The following CMIP variants were observed in gnomAD, a reference collection of about 807,000 sequenced individuals.
CMIP encodes the protein C-Maf-inducing protein.
In CMIP, 13 loss-of-function variants were observed where a neutral mutation model predicts 97.3. The observed-to-expected ratio is 0.13, with a 90% CI of 0.09 to 0.21. The LOEUF (loss-of-function observed/expected upper bound fraction) is 0.21, where lower values mean the gene tolerates loss of function less well. CMIP is among the 10% of genes least tolerant of loss of function. The pLI, the probability that CMIP is intolerant of heterozygous loss-of-function variation, is 1.00. For missense variants in CMIP, 847 were observed against 1,024.9 expected (o/e 0.83, Z 2.37); for synonymous variants, 538 against 436.3 (o/e 1.23, Z -2.91).
In CMIP at chr16:81,709,787, C is replaced by G; in HGVS notation, c.2310C>G (p.Thr770=). The G allele has an allele frequency of 1.9e-6, 3 of 1,613,926 alleles. No homozygotes were observed. The highest frequency in any genetic ancestry group is 1.7e-6 in the Non-Finnish European group (2 of 1,179,834). The change falls in exon 21 of 21, where the codon ACC becomes ACG. Residue 770 remains threonine, a synonymous_variant. Coordinates refer to ENST00000537098, the MANE Select transcript of CMIP (RefSeq NM_198390.3). Reference sequence around the variant, plus strand: ...TGAAGGAAGTGGACGTCCGCTACACCGAAGCCTGGTGAAGCTCCCAGCTCA... The same window carrying G: ...TGAAGGAAGTGGACGTCCGCTACACGGAAGCCTGGTGAAGCTCCCAGCTCA... The part of the protein sequence containing the change: ...PNLKEVDVRY[T]EAW
At chr16:81,594,308 G>A (rs978753985) in intron 1 of CMIP, among the ~76,000 whole-genome samples, 15 of 151,236 alleles carry the variant, frequency 9.9e-5, no homozygotes, top group African/African-American at 2.9e-4. Flanking sequence ...TTGTAGAGAC[G>A]GAGTTTCGCC....
chr16:81,708,465 C>A (rs1051918509), intron 20 of CMIP, among the ~76,000 whole-genome samples: 4 of 152,210 alleles, frequency 2.6e-5, no homozygotes, highest in Admixed American at 1.3e-4. Flanking sequence ...GGAAAGAGAA[C>A]ATGGGGAGTG....
intron 3 of CMIP, chr16:81,622,224 G>C (rs771137411): frequency 1.3e-5 from 2 of 152,210 alleles, no homozygotes; most frequent in Non-Finnish European, 2.9e-5. Context: ...GCAGGGCTCA[G>C]CTCGACCTTT....
chr16:81,521,608 A>G (rs1459652640), intron 1 of CMIP, among the ~76,000 whole-genome samples: 2 of 152,152 alleles, frequency 1.3e-5, no homozygotes, highest in Non-Finnish European at 2.9e-5. Flanking sequence ...TAGCAGGTCG[A>G]GTCTGTGCGG....
intron 1 of CMIP, among the ~76,000 whole-genome samples, chr16:81,465,479 C>T (rs964666862): frequency 2.6e-5 from 4 of 152,222 alleles, no homozygotes; most frequent in Admixed American, 1.3e-4. Flanking sequence ...TTCTCTGTCC[C>T]CAGACTGGAC....
chr16:81,643,980 G>C (rs1275166431), intron 3 of CMIP, among the ~76,000 whole-genome samples: 1 of 152,144 alleles, frequency 6.6e-6, no homozygotes, highest in Non-Finnish European at 1.5e-5. Flanking sequence ...GGAGGCACTA[G>C]GGTTGTCCCT....
chr16:81,630,301 C>G (rs148590052), intron 3 of CMIP: 1 of 152,352 alleles, frequency 6.6e-6, no homozygotes, highest in Non-Finnish European at 1.5e-5. Context: ...TGCTAGGAGA[C>G]GGGGCTGCAG....
intron 2 of CMIP, among the ~76,000 whole-genome samples, chr16:81,608,168 A>T (rs2091775062): frequency 6.6e-6 from 1 of 152,250 alleles, no homozygotes; most frequent in Admixed American, 6.5e-5. Context: ...AAAAAAGTGC[A>T]TTCTGTATGT....
chr16:81,473,940 C>T lies in CMIP; in HGVS notation c.300+28399C>T, dbSNP rs549944843. ...AACAGAAGCAAACATTTCTATGTGA[C>T]TTACCACAGGCCTGGCTCAGCTCTA... On this transcript the variant is annotated intron_variant, in intron 1 of 20. Coordinates refer to ENST00000537098, the MANE Select transcript of CMIP (RefSeq NM_198390.3). 4.0e-5 allele frequency among the ~76,000 whole-genome samples: 6 copies of T among 151,784 alleles called. No individual in the cohort carries two copies. In the South Asian group the frequency reaches 1.0e-3, roughly 26 times the overall value.
At chr16:81,498,202 C>G (rs1021237196) in intron 1 of CMIP, among the ~76,000 whole-genome samples, 10 of 152,224 alleles carry the variant, frequency 6.6e-5, no homozygotes, top group African/African-American at 2.4e-4. Flanking sequence ...AACGTGGCTC[C>G]TTCTAGGACA....
chr16:81,561,738 C>G (rs1472439081), intron 1 of CMIP, among the ~76,000 whole-genome samples: 11 of 152,178 alleles, frequency 7.2e-5, no homozygotes, highest in Non-Finnish European at 1.6e-4. Flanking sequence ...TTCTAAACCT[C>G]CAGTCTAGTA....
intron 3 of CMIP, among the ~76,000 whole-genome samples, chr16:81,643,665 G>A (rs1384513479): frequency 9.2e-5 from 14 of 152,094 alleles, no homozygotes; most frequent in Non-Finnish European, 1.5e-4. Flanking sequence ...GGTGGTGGGC[G>A]CCTATAATCC....
intron 1 of CMIP, among the ~76,000 whole-genome samples, chr16:81,562,772 GACGTAAATATTTTTTTTCATTTTTCAA>G (rs2090908723): frequency 2.0e-5 from 3 of 152,172 alleles, no homozygotes; most frequent in Admixed American, 6.5e-5. Flanking sequence ...TCCAGTGAGG[GACGTAAATATTTTTTTTCATTTTTCAA>G]ATGTGGAAAC....
intron 1 of CMIP, among the ~76,000 whole-genome samples, chr16:81,579,905 G>A (rs1433091977): frequency 6.6e-6 from 1 of 152,188 alleles, no homozygotes; most frequent in Non-Finnish European, 1.5e-5. Flanking sequence ...GCAGTGAGCC[G>A]AGATCGCACC....
chr16:81,667,944 C>T (rs1012769122), intron 7 of CMIP, among the ~76,000 whole-genome samples: 18 of 151,876 alleles, frequency 1.2e-4, no homozygotes, highest in Admixed American at 4.6e-4. Context: ...AGTGAAAGCT[C>T]CCCCTGCACT....
At chr16:81,465,604 G>C (rs1348355122) in intron 1 of CMIP, among the ~76,000 whole-genome samples, 1 of 152,248 alleles carries the variant, frequency 6.6e-6, no homozygotes, top group African/African-American at 2.4e-5. Flanking sequence ...AATAAGAAAT[G>C]ATCGATTGAA....
chr16:81,693,141 C>T lies in CMIP; in HGVS notation c.1455-17C>T. 4 of 1,610,730 alleles carry T rather than the reference C, an allele frequency of 2.5e-6. No homozygotes were observed. Among genetic ancestry groups the T allele is most frequent in the Non-Finnish European group, 3.4e-6 (4 of 1,177,160 alleles). Reference sequence around the variant, plus strand: ...CGCTTCTGTTAACCGCCGTGTTTTCCCCTGTTTTTGTTGCAGAGCTCTCGC... The same window carrying T: ...CGCTTCTGTTAACCGCCGTGTTTTCTCCTGTTTTTGTTGCAGAGCTCTCGC... On this transcript the variant is annotated splice_polypyrimidine_tract_variant and intron_variant, in intron 11 of 20. Coordinates refer to ENST00000537098, the MANE Select transcript of CMIP (RefSeq NM_198390.3).
At chr16:81,662,546 A>C (rs1193269012) in intron 6 of CMIP, among the ~76,000 whole-genome samples, 1 of 152,172 alleles carries the variant, frequency 6.6e-6, no homozygotes, top group Admixed American at 6.5e-5. Flanking sequence ...GAGCCCAGAG[A>C]GGAGAGCTTG....
At chr16:81,451,285 C>T (rs772783452) in intron 1 of CMIP, among the ~76,000 whole-genome samples, 2 of 152,112 alleles carry the variant, frequency 1.3e-5, no homozygotes, top group African/African-American at 2.4e-5. Context: ...AGGGGAAACC[C>T]GTTTCGCCTA....
Sources: allele counts gnomAD v4.1 joint callset (sites outside exome capture counted in the v4.1 genomes callset), GRCh38; gene constraint gnomAD v4.1.1; transcripts MANE v1.5; gene names NCBI Gene and HGNC (gene_info 2026-07-23, HGNC 2026-07-21).